Variants in ALDH1L2 observed in about 807,000 individuals in gnomAD.
The protein encoded by ALDH1L2 is aldehyde dehydrogenase 1 family member L2.
In ALDH1L2, 91 loss-of-function variants were observed where a neutral mutation model predicts 111.0. That is an observed-to-expected ratio of 0.82 (90% CI 0.69 to 0.98). The LOEUF (loss-of-function observed/expected upper bound fraction) is 0.98. Among genes scored for constraint, ALDH1L2 ranks in the 50% least tolerant of loss-of-function variants. The pLI, the probability that ALDH1L2 is intolerant of heterozygous loss-of-function variation, is 0.00. For missense variants in ALDH1L2, 995 were observed against 1,126.8 expected, an observed-to-expected ratio of 0.88 and a Z score of 1.67; for synonymous variants, 374 against 392.6, an observed-to-expected ratio of 0.95 and a Z score of 0.56.
At position 105,038,241 on chromosome 12, in the gene ALDH1L2, A is replaced by ATCTC. The variant is rs112805543; in HGVS notation, c.2046-43_2046-40dup. On this transcript the variant is annotated intron_variant, in intron 17 of 22. Coordinates refer to ENST00000258494, the MANE Select transcript of ALDH1L2 (RefSeq NM_001034173.4). ...AATGAGAAATGAGCATTTAGTTAAC[A>ATCTC]TCTCTCTCTCTCTCTCTCTCACACA... 2.9e-5 allele frequency: 26 copies of ATCTC among 909,602 alleles called. 1 individual carries two copies. The highest frequency in any genetic ancestry group is 2.3e-4 in the Middle Eastern group (1 of 4,382). The allele number at this position is 909,602 out of a possible 1,614,324, so 56.3% of individuals were successfully genotyped here. A position where few individuals can be genotyped will look rare whatever the true frequency, so the allele number is the denominator to read the frequency against.
rs1326480546 is a variant in ALDH1L2 at position 105,060,825 on chromosome 12, A to AG, written c.1139+155dup. 73 of 360,590 alleles carry AG rather than the reference A, an allele frequency of 2.0e-4. 1 individual carries two copies. 22.3% of individuals were successfully genotyped at this position (360,590 alleles called of 1,614,324 possible). On this transcript the variant is annotated intron_variant, in intron 9 of 22. Transcript: ENST00000258494. ...GGCAACAAGAGTGAAACTCCATCTC[A>AG]GGAAAAAAAAAAAAAAAAAAAAAGA...
In ALDH1L2 at chr12:105,057,811, A is replaced by G. The variant is rs1032653152; in HGVS notation, c.1287+262T>C. Reference sequence around the variant, plus strand: ...CTGGAAGAGTAAAGAATGACTGCCAATGGGTACAGGGCTTCTTTTTGGGAT... The same window carrying G: ...CTGGAAGAGTAAAGAATGACTGCCAGTGGGTACAGGGCTTCTTTTTGGGAT... On this transcript the variant is annotated intron_variant, in intron 10 of 22. Transcript: ENST00000258494. 1.3e-4 allele frequency among the ~76,000 whole-genome samples: 20 copies of G among 152,310 alleles called. 2 individuals carry two copies. The highest frequency in any genetic ancestry group is 2.0e-4 in the Admixed American group (3 of 15,296).
intron 18 of ALDH1L2, among the ~76,000 whole-genome samples, chr12:105,034,901 T>C (rs1312076116): frequency 1.3e-5 from 2 of 152,050 alleles, no homozygotes; most frequent in African/African-American, 4.8e-5. Flanking sequence ...GGAGAATCAA[T>C]TGAACCCAGG....
At position 105,062,963 on chromosome 12, in the gene ALDH1L2, C is replaced by T. The variant is rs1170121128; in HGVS notation, c.846G>A (p.Leu282=). 1 of 1,613,960 alleles carries T rather than the reference C, an allele frequency of 6.2e-7. No homozygotes were observed. The highest frequency in any genetic ancestry group is 2.2e-5 in the East Asian group (1 of 44,894). ...LNSSVPPGEP[L]EIKGAKKPGL... ...CAGGCTTCTTGGCACCTTTAATTTC[C>T]AGTGGTTCTCCAGGAGGCACAGAGC... is the stretch of plus-strand genomic sequence containing the variant. The change falls in exon 7 of 23, where the codon CTG becomes CTA. Residue 282 remains leucine, a synonymous_variant. Coordinates refer to ENST00000258494, the MANE Select transcript of ALDH1L2 (RefSeq NM_001034173.4).
Position 105,026,725 on chromosome 12 carries a change from G to T in ALDH1L2, c.2536C>A (p.Gln846Lys), listed in dbSNP as rs781045615. The change falls in exon 22 of 23, where the codon CAG becomes AAG. Residue 846 changes from glutamine (Q) to lysine (K), a missense_variant. Transcript: ENST00000258494. ...CCATACTCTGTACTATTTGCTCGCT[G>T]CAACACTCCATCGATGTCCCTGTGT... ...FQNGDIDGVL[Q>K]RANSTEYGLA... 5.0e-6 allele frequency: 8 copies of T among 1,614,146 alleles called. No individual in the cohort carries two copies. In the Admixed American group the frequency reaches 1.2e-4, roughly 24 times the overall value.
Position 105,020,507 on chromosome 12 carries a change from G to A in ALDH1L2, c.*3917C>T, listed in dbSNP as rs1426243065. The A allele has an allele frequency of 6.6e-6, 1 of 152,110 alleles. No homozygotes were observed. The highest frequency in any genetic ancestry group is 6.5e-5 in the Admixed American group (1 of 15,274). 9.4% of individuals were successfully genotyped at this position (152,110 alleles called of 1,614,324 possible). On this transcript the variant is annotated 3_prime_UTR_variant, in exon 23 of 23. Coordinates refer to ENST00000258494, the MANE Select transcript of ALDH1L2 (RefSeq NM_001034173.4). ...TTATTGGGCTCCTGTTACACATTAGGACTGGAGATACAGTATTAAAACAAG... is the reference window on the plus strand; with the variant it reads ...TTATTGGGCTCCTGTTACACATTAGAACTGGAGATACAGTATTAAAACAAG...
intron 8 of ALDH1L2, 122 bp downstream of exon 8, chr12:105,061,505 G>T: frequency 7.3e-7 from 1 of 1,372,758 alleles, no homozygotes. Context: ...TCCTCTTGCA[G>T]CTAATACAAA....
intron 15 of ALDH1L2, among the ~76,000 whole-genome samples, chr12:105,043,632 A>G (rs1277048974): frequency 6.6e-6 from 1 of 152,250 alleles, no homozygotes; most frequent in African/African-American, 2.4e-5. Flanking sequence ...TGAATTAATT[A>G]TAATTCTTTT....
rs143421481 is a variant in ALDH1L2, at chr12:105,070,517, C to T, written c.428+53G>A. The T allele has an allele frequency of 2.5e-5, 36 of 1,422,806 alleles. No individual in the cohort carries two copies. In the African/African-American group the frequency reaches 4.8e-4, roughly 19 times the overall value. 88.1% of individuals were successfully genotyped at this position (1,422,806 alleles called of 1,614,324 possible). Reference sequence around the variant, plus strand: ...CCCAGGAGTTTGAACCCAGACTGGGCAACATAGCAAGACCCCATCTCAAAA... The same window carrying T: ...CCCAGGAGTTTGAACCCAGACTGGGTAACATAGCAAGACCCCATCTCAAAA... On this transcript the variant is annotated intron_variant, in intron 3 of 22. Coordinates refer to ENST00000258494, the MANE Select transcript of ALDH1L2 (RefSeq NM_001034173.4).
rs1874144403 is a variant in ALDH1L2, at chr12:105,021,238, T to A, written c.*3186A>T. On this transcript the variant is annotated 3_prime_UTR_variant, in exon 23 of 23. Coordinates refer to ENST00000258494, the MANE Select transcript of ALDH1L2 (RefSeq NM_001034173.4). ...TGAAGTGACACTGTCTGACTTAAGCTTTGAACAGGACCGCAGAAGAGAGGA... is the reference window on the plus strand; with the variant it reads ...TGAAGTGACACTGTCTGACTTAAGCATTGAACAGGACCGCAGAAGAGAGGA... 1 of 152,304 alleles carries A rather than the reference T, an allele frequency of 6.6e-6. No homozygotes were observed. The highest frequency in any genetic ancestry group is 1.5e-5 in the Non-Finnish European group (1 of 68,152). 9.4% of individuals were successfully genotyped at this position (152,304 alleles called of 1,614,324 possible).
At chr12:105,065,196 T>G in intron 6 of ALDH1L2, 71 bp downstream of exon 6, 20 of 879,372 alleles carry the variant, frequency 2.3e-5, no homozygotes, top group East Asian at 4.3e-5. Flanking sequence ...GAAGCCCAGA[T>G]TTATCTGTAA....
In ALDH1L2 at chr12:105,048,368, A is replaced by G. The variant is rs143818803; in HGVS notation, c.1687-1399T>C. ...ACATTAACATTGGTGGCAGCAATGT[A>G]TGCAGATGAAATATGATGTTTCCCA... On this transcript the variant is annotated intron_variant, in intron 13 of 22. Transcript: ENST00000258494. 24 of 152,356 alleles carry G rather than the reference A, an allele frequency of 1.6e-4. No individual in the cohort carries two copies. In the East Asian group the frequency reaches 4.4e-3, roughly 28 times the overall value. 9.4% of individuals were successfully genotyped at this position (152,356 alleles called of 1,614,324 possible). A position where few individuals can be genotyped will look rare whatever the true frequency, so the allele number is the denominator to read the frequency against.
chr12:105,038,019 G>T, intron 18 of ALDH1L2, 84 bp downstream of exon 18: 4 of 1,093,816 alleles, frequency 3.7e-6, no homozygotes, highest in Non-Finnish European at 5.4e-6. Flanking sequence ...CACCCGTCTT[G>T]GCCTCCCAAA....
intron 1 of ALDH1L2, among the ~76,000 whole-genome samples, chr12:105,081,691 T>A (rs1044548153): frequency 6.6e-6 from 1 of 152,224 alleles, no homozygotes; most frequent in Non-Finnish European, 1.5e-5. Flanking sequence ...GTTAAAAAGA[T>A]CCAGCCATCA....
chr12:105,030,511 T>C (rs1289806447), intron 20 of ALDH1L2, 82 bp from the exon 21 acceptor site: 4 of 1,195,210 alleles, frequency 3.3e-6, no homozygotes, highest in African/African-American at 3.1e-5. Flanking sequence ...AATTACATTA[T>C]AATTTTTTCT....
intron 21 of ALDH1L2, among the ~76,000 whole-genome samples, chr12:105,027,954 C>T (rs923791671): frequency 6.6e-6 from 1 of 152,202 alleles, no homozygotes; most frequent in Non-Finnish European, 1.5e-5. Context: ...TTTGTATACA[C>T]ATCCAAGCAG....
Position 105,061,673 on chromosome 12 carries a change from A to AG in ALDH1L2, c.1000_1001insC (p.Val334AlafsTer7). 1 of 1,614,134 alleles carries AG rather than the reference A, an allele frequency of 6.2e-7. No homozygotes were observed. Among genetic ancestry groups the AG allele is most frequent in the Non-Finnish European group, 8.5e-7 (1 of 1,180,010 alleles). On this transcript the variant is annotated frameshift_variant, in exon 8 of 23. Transcript: ENST00000258494. LOFTEE classifies it high-confidence loss of function. ...CACCTCTTCAGCTGTCAGTTCTACC[A>AG]CTGACGTCTCACCCGTTGAAAAGTA... is the stretch of plus-strand genomic sequence containing the variant.
chr12:105,072,232 GTATAA>G (rs1265544088), intron 2 of ALDH1L2: 3 of 147,198 alleles, frequency 2.0e-5, no homozygotes, highest in African/African-American at 4.9e-5. Context: ...TATATTACTT[GTATAA>G]TATAATAGTA....
At chr12:105,070,529 AC>A in intron 3 of ALDH1L2, 40 bp downstream of exon 3, 1 of 1,498,516 alleles carries the variant, frequency 6.7e-7, no homozygotes, top group Non-Finnish European at 9.1e-7. Context: ...ACATAGCAAG[AC>A]CCCATCTCAA....
Sources: gnomAD v4.1 joint callset for allele counts (sites outside exome capture counted in the v4.1 genomes callset) on GRCh38, gnomAD v4.1.1 for gene constraint, MANE v1.5 for transcripts, NCBI Gene and HGNC (gene_info 2026-07-23, HGNC 2026-07-21) for gene names.